The following HIVEP3 variants were observed in gnomAD, a reference collection of about 807,000 sequenced individuals.
HIVEP3 encodes the protein transcription factor HIVEP3.
HIVEP3 carries 49 observed loss-of-function variants against 152.8 expected under a neutral mutation model. The ratio of observed to expected loss-of-function variants is 0.32; its 90% CI spans 0.26 to 0.41. The LOEUF (loss-of-function observed/expected upper bound fraction) is 0.41. HIVEP3 is among the 10% of genes least tolerant of loss of function. The pLI, the probability that HIVEP3 is intolerant of heterozygous loss-of-function variation, is 1.00. For missense variants in HIVEP3, 2,790 were observed against 3,103.3 expected (o/e 0.90, Z 2.40); for synonymous variants, 1,269 against 1,289.0 (o/e 0.98, Z 0.33).
chr1:41,815,310 C>CA (rs966945545), intron 1 of HIVEP3, among the ~76,000 whole-genome samples: 1 of 151,876 alleles, frequency 6.6e-6, no homozygotes, highest in East Asian at 1.9e-4. Context: ...CCTTTCTCTA[C>CA]AAAAAATAAA....
chr1:41,771,322 C>A (rs1306810909), intron 1 of HIVEP3, among the ~76,000 whole-genome samples: 2 of 150,704 alleles, frequency 1.3e-5, no homozygotes, highest in Non-Finnish European at 3.0e-5. Context: ...AAAAAATAAT[C>A]CTCTGGTCAC....
intron 1 of HIVEP3, among the ~76,000 whole-genome samples, chr1:41,835,607 G>GT (rs1294233414): frequency 1.3e-5 from 2 of 152,196 alleles, no homozygotes; most frequent in African/African-American, 4.8e-5. Flanking sequence ...GCTCTTCCAT[G>GT]GTTAACTTCA....
chr1:41,616,239 C>G (rs1289367356), intron 3 of HIVEP3, among the ~76,000 whole-genome samples: 2 of 152,252 alleles, frequency 1.3e-5, no homozygotes, highest in Admixed American at 1.3e-4. Context: ...TTAGAGCACC[C>G]CAAGTGGAAC....
At chr1:41,978,579 G>C (rs1366241210) in intron 1 of HIVEP3, among the ~76,000 whole-genome samples, 1 of 152,114 alleles carries the variant, frequency 6.6e-6, no homozygotes, top group African/African-American at 2.4e-5. Flanking sequence ...CGAGAAAATG[G>C]ATTTCCGTTG....
chr1:41,860,396 A>G (rs1434649107), intron 1 of HIVEP3, among the ~76,000 whole-genome samples: 1 of 152,194 alleles, frequency 6.6e-6, no homozygotes, highest in Non-Finnish European at 1.5e-5. Context: ...ATCTCAAGCT[A>G]TAACTTTTTT....
At chr1:41,994,680 G>A (rs910659096) in intron 1 of HIVEP3, among the ~76,000 whole-genome samples, 1 of 152,106 alleles carries the variant, frequency 6.6e-6, no homozygotes. Context: ...GCTGAACTGT[G>A]AGTCACTTAA....
chr1:41,760,047 C>G (rs1032031935), intron 1 of HIVEP3, among the ~76,000 whole-genome samples: 9 of 152,112 alleles, frequency 5.9e-5, no homozygotes, highest in Non-Finnish European at 8.8e-5. Context: ...GTGGTGCAAG[C>G]CTGTGGTTCT....
chr1:42,033,993 C>T (rs1645627541), intron 1 of HIVEP3, among the ~76,000 whole-genome samples: 1 of 152,188 alleles, frequency 6.6e-6, no homozygotes, highest in South Asian at 2.1e-4. Context: ...CCCCTCAAAA[C>T]AGTATATATG....
chr1:41,924,131 C>T (rs1395725881), intron 1 of HIVEP3, among the ~76,000 whole-genome samples: 1 of 152,162 alleles, frequency 6.6e-6, no homozygotes, highest in Non-Finnish European at 1.5e-5. Context: ...CCTTATAGGA[C>T]TGACGTAGGA....
chr1:41,919,828 T>G (rs1644925722), upstream of HIVEP3, among the ~76,000 whole-genome samples: 1 of 152,116 alleles, frequency 6.6e-6, no homozygotes, highest in South Asian at 2.1e-4. Context: ...GAAACAAGAG[T>G]CCTAACCTTG....
In HIVEP3 at chr1:41,738,101, G is replaced by A. The variant is rs1314018125; in HGVS notation, c.-800-37106C>T. On this transcript the variant is annotated intron_variant, in intron 1 of 8. Transcript: ENST00000372583. ...AATTCAGCATTGGCCACCTCTGGGA[G>A]GGCAGGGTCCTCTTCCATCCTGCTC... Among the ~76,000 whole-genome samples the A allele has an allele frequency of 1.8e-4, 27 of 152,234 alleles. 1 individual carries two copies. Among genetic ancestry groups the A allele is most frequent in the Non-Finnish European group, 2.9e-5 (2 of 68,042 alleles).
chr1:41,917,190 G>T (rs1317709392), intron 1 of HIVEP3, among the ~76,000 whole-genome samples: 1 of 152,164 alleles, frequency 6.6e-6, no homozygotes, highest in East Asian at 1.9e-4. Flanking sequence ...GAGATGGTGG[G>T]GAGCTGTTTG....
intron 2 of HIVEP3, among the ~76,000 whole-genome samples, chr1:41,640,922 C>T (rs1645362422): frequency 6.6e-6 from 1 of 152,204 alleles, no homozygotes. Flanking sequence ...TGGTCTTAGA[C>T]ACTGTGTGGC....
At chr1:41,986,954 T>C (rs530519735) in intron 1 of HIVEP3, among the ~76,000 whole-genome samples, 1 of 152,376 alleles carries the variant, frequency 6.6e-6, no homozygotes, top group Non-Finnish European at 1.5e-5. Flanking sequence ...AGATACTGCT[T>C]TGTATTGCTC....
chr1:41,864,557 TA>T (rs1643934617), intron 1 of HIVEP3: 2 of 151,986 alleles, frequency 1.3e-5, no homozygotes, highest in Admixed American at 1.3e-4. Flanking sequence ...GGAACATGTG[TA>T]AGTAGACCAC....
intron 1 of HIVEP3, among the ~76,000 whole-genome samples, chr1:41,788,792 C>T (rs1369946644): frequency 3.9e-5 from 6 of 152,240 alleles, no homozygotes; most frequent in Non-Finnish European, 8.8e-5. Flanking sequence ...CAGGAACATC[C>T]CCGTGGAAAG....
At chr1:41,536,637 C>T (rs1452949769) in intron 5 of HIVEP3, among the ~76,000 whole-genome samples, 1 of 152,126 alleles carries the variant, frequency 6.6e-6, no homozygotes, top group African/African-American at 2.4e-5. Flanking sequence ...TATTCCTGTC[C>T]TGCCAAATGT....
chr1:41,879,763 C>T (rs146948363), intron 1 of HIVEP3, among the ~76,000 whole-genome samples: 2,372 of 152,320 alleles, frequency 0.016, 35 homozygotes, highest in Non-Finnish European at 0.02. Flanking sequence ...GAAACCTCTG[C>T]TTCTATTTCC....
chr1:41,528,428 C>T (rs1269722026), intron 5 of HIVEP3, among the ~76,000 whole-genome samples: 16 of 134,844 alleles, frequency 1.2e-4, no homozygotes, highest in Non-Finnish European at 1.6e-5. Flanking sequence ...GCCCTCACAC[C>T]CTCAGACTCA....
Sources: gnomAD v4.1 joint callset for allele counts (sites outside exome capture counted in the v4.1 genomes callset) on GRCh38, gnomAD v4.1.1 for gene constraint, MANE v1.5 for transcripts, NCBI Gene and HGNC (gene_info 2026-07-23, HGNC 2026-07-21) for gene names.